ADAMTSL3: variants seen among roughly 807,000 people sequenced by gnomAD.
ADAMTSL3 encodes the protein ADAMTS like 3, also known as ADAMTS-like protein 3.
In ADAMTSL3, 128 loss-of-function variants were observed where a neutral mutation model predicts 201.7. The observed-to-expected ratio is 0.63, with a 90% CI of 0.55 to 0.73. ADAMTSL3 has a LOEUF of 0.73. ADAMTSL3 is among the 30% of genes least tolerant of loss of function. ADAMTSL3 has a pLI of 0.00. For missense variants in ADAMTSL3, 1,990 were observed against 2,119.6 expected (o/e 0.94, Z 1.20); for synonymous variants, 738 against 748.4 (o/e 0.99, Z 0.23).
intron 5 of ADAMTSL3, among the ~76,000 whole-genome samples, chr15:83,807,216 G>A (rs1462787283): frequency 1.3e-5 from 2 of 152,208 alleles, no homozygotes; most frequent in Non-Finnish European, 2.9e-5. Flanking sequence ...AGCACTTTGG[G>A]AGGCTGAGGC....
intron 27 of ADAMTSL3, among the ~76,000 whole-genome samples, chr15:84,029,920 G>A (rs1002832224): frequency 6.6e-5 from 10 of 152,222 alleles, no homozygotes; most frequent in Admixed American, 4.6e-4. Flanking sequence ...TTCAGAGGGC[G>A]CAAGCCCCAA....
chr15:84,004,401 A>G (rs555327495), intron 23 of ADAMTSL3, among the ~76,000 whole-genome samples: 42 of 152,306 alleles, frequency 2.8e-4, no homozygotes, highest in African/African-American at 9.9e-4. Flanking sequence ...ATGGGGCCAA[A>G]GAGGTCCCTG....
intron 10 of ADAMTSL3, among the ~76,000 whole-genome samples, chr15:83,888,202 T>A (rs1596359916): frequency 6.6e-6 from 1 of 152,234 alleles, no homozygotes; most frequent in Non-Finnish European, 1.5e-5. Flanking sequence ...CTTTTGGGGT[T>A]CCTGCCGTTT....
At chr15:83,864,380 C>A (rs1355978731) in intron 8 of ADAMTSL3, among the ~76,000 whole-genome samples, 1 of 152,174 alleles carries the variant, frequency 6.6e-6, no homozygotes. Flanking sequence ...TTCTGGCAAA[C>A]CAAATCCAGC....
At chr15:83,660,796 T>C (rs1420059613) in intron 2 of ADAMTSL3, among the ~76,000 whole-genome samples, 1 of 151,996 alleles carries the variant, frequency 6.6e-6, no homozygotes, top group Admixed American at 6.6e-5. Context: ...TTAGATCCCA[T>C]TTGTCAATTT....
intron 3 of ADAMTSL3, among the ~76,000 whole-genome samples, chr15:83,740,395 A>T (rs1255662199): frequency 6.6e-6 from 1 of 152,236 alleles, no homozygotes; most frequent in Non-Finnish European, 1.5e-5. Context: ...TTTGGAATTT[A>T]AAAATACCTT....
intron 16 of ADAMTSL3, among the ~76,000 whole-genome samples, chr15:83,915,291 T>G (rs1370788321): frequency 6.6e-6 from 1 of 152,182 alleles, no homozygotes; most frequent in Non-Finnish European, 1.5e-5. Flanking sequence ...CATAGCATGC[T>G]GGGTACTTGG....
Position 83,891,314 on chromosome 15 carries a change from T to A in ADAMTSL3, c.1212-15T>A. 1 of 1,578,016 alleles carries A rather than the reference T, an allele frequency of 6.3e-7. No individual in the cohort carries two copies. Among genetic ancestry groups the A allele is most frequent in the South Asian group, 1.1e-5 (1 of 89,936 alleles). ...TATTATAGAAATGATATTCTCACAA[T>A]GATTTCATTTGTAGTGATGGATTTA... On this transcript the variant is annotated splice_polypyrimidine_tract_variant and intron_variant, in intron 11 of 29. Transcript: ENST00000286744.
chr15:83,772,758 T>G (rs2063005382), intron 3 of ADAMTSL3, among the ~76,000 whole-genome samples: 1 of 148,846 alleles, frequency 6.7e-6, no homozygotes, highest in Admixed American at 6.8e-5. Flanking sequence ...CAGGCTGGAG[T>G]GCAGTGGCAC....
At chr15:83,932,701 T>C (rs2066383796) in intron 17 of ADAMTSL3, among the ~76,000 whole-genome samples, 1 of 152,204 alleles carries the variant, frequency 6.6e-6, no homozygotes, top group Non-Finnish European at 1.5e-5. Flanking sequence ...AATTAATTCA[T>C]ACTGGTCTTG....
rs1400192162 is a variant in ADAMTSL3 at position 83,982,412 on chromosome 15, A to G, written c.2784A>G (p.Thr928=). 6.2e-7 allele frequency: 1 copy of G among 1,614,094 alleles called. No homozygotes were observed. Among genetic ancestry groups the G allele is most frequent in the Non-Finnish European group, 8.5e-7 (1 of 1,180,016 alleles). ...GCAGAGCCTATTTGCTGCCCAACAC[A>G]TCCGTGATTATTAAGTGCCCCGTGC... ...IGSRAYLLPN[T]SVIIKCPVRR... is the part of the protein sequence containing the mutation. Residue 928 remains threonine (T), a synonymous_variant, in exon 21 of 30, where the codon ACA becomes ACG. Transcript: ENST00000286744.
At chr15:83,684,338 T>C (rs947837505) in intron 2 of ADAMTSL3, among the ~76,000 whole-genome samples, 1 of 152,212 alleles carries the variant, frequency 6.6e-6, no homozygotes, top group Non-Finnish European at 1.5e-5. Flanking sequence ...AATTTTAAGT[T>C]TATAATTTCT....
intron 2 of ADAMTSL3, among the ~76,000 whole-genome samples, chr15:83,701,089 T>C (rs559906936): frequency 6.6e-6 from 1 of 152,316 alleles, no homozygotes; most frequent in East Asian, 1.9e-4. Context: ...TTCTCCTGTT[T>C]GCAGAGAGCA....
At chr15:83,995,810 A>G (rs2067677303) in intron 23 of ADAMTSL3, among the ~76,000 whole-genome samples, 1 of 152,168 alleles carries the variant, frequency 6.6e-6, no homozygotes. Flanking sequence ...CATATGGCTG[A>G]GAATAGCCCA....
intron 28 of ADAMTSL3, among the ~76,000 whole-genome samples, chr15:84,032,913 A>T (rs1339150231): frequency 6.6e-6 from 1 of 152,204 alleles, no homozygotes; most frequent in Non-Finnish European, 1.5e-5. Context: ...TCAAATTGCC[A>T]TCAAAATTTC....
intron 23 of ADAMTSL3, among the ~76,000 whole-genome samples, chr15:83,992,220 C>T (rs960938810): frequency 6.6e-6 from 1 of 152,170 alleles, no homozygotes; most frequent in Non-Finnish European, 1.5e-5. Flanking sequence ...CCAGGACACA[C>T]TTATCCAGCT....
At chr15:83,749,333 G>A (rs1408513757) in intron 3 of ADAMTSL3, among the ~76,000 whole-genome samples, 3 of 152,144 alleles carry the variant, frequency 2.0e-5, no homozygotes, top group Admixed American at 2.0e-4. Context: ...GTCAACCACC[G>A]AAAAGACTGA....
rs2068558381 is a variant in ADAMTSL3 at position 84,039,003 on chromosome 15, G to C, written c.*1197G>C. On this transcript the variant is annotated 3_prime_UTR_variant, in exon 30 of 30. Coordinates refer to ENST00000286744, the MANE Select transcript of ADAMTSL3 (RefSeq NM_207517.3). ...GATTGGGGCCAGTGCTGGTGTTAGTGATAGTGTCAGGATGGAGGTTAGGTT... is the reference window on the plus strand; with the variant it reads ...GATTGGGGCCAGTGCTGGTGTTAGTCATAGTGTCAGGATGGAGGTTAGGTT... The C allele has an allele frequency of 6.6e-6, 1 of 152,634 alleles. No individual in the cohort carries two copies. The highest frequency in any genetic ancestry group is 1.5e-5 in the Non-Finnish European group (1 of 68,090). 9.5% of individuals were successfully genotyped at this position (152,634 alleles called of 1,614,324 possible).
chr15:84,025,179 G>A lies in ADAMTSL3; in HGVS notation c.4458-59G>A, dbSNP rs1220144476. On this transcript the variant is annotated intron_variant, in intron 26 of 29. Coordinates refer to ENST00000286744, the MANE Select transcript of ADAMTSL3 (RefSeq NM_207517.3). ...GATCAGCTTTTTCCTTTGATGAGAC[G>A]CCCCCTCTAAGATCTGGCATACCAG... 24 of 1,443,334 alleles carry A rather than the reference G, an allele frequency of 1.7e-5. 1 individual carries two copies. In the Middle Eastern group the frequency reaches 5.5e-4, roughly 33 times the overall value. 89.4% of individuals were successfully genotyped at this position (1,443,334 alleles called of 1,614,324 possible). A position where few individuals can be genotyped will look rare whatever the true frequency, so the allele number is the denominator to read the frequency against.
Sources: allele counts gnomAD v4.1 joint callset (sites outside exome capture counted in the v4.1 genomes callset), GRCh38; gene constraint gnomAD v4.1.1; transcripts MANE v1.5; gene names NCBI Gene and HGNC (gene_info 2026-07-23, HGNC 2026-07-21).